Variants in NIM1K observed in about 807,000 individuals in gnomAD.
The protein encoded by NIM1K is NIM1 serine/threonine protein kinase, also known as serine/threonine-protein kinase NIM1.
Under a neutral mutation model 37.1 loss-of-function variants are expected in NIM1K, and 35 were observed. The observed-to-expected ratio is 0.94, with a 90% CI of 0.72 to 1.25. The LOEUF (loss-of-function observed/expected upper bound fraction) is 1.25. Ranked by LOEUF, NIM1K falls within the 50% of genes most tolerant of loss-of-function variation. NIM1K has a pLI of 0.00. For synonymous variants in NIM1K, 234 were observed against 206.6 expected, an observed-to-expected ratio of 1.13 and a Z score of -1.14; for missense variants, 564 against 548.0, an observed-to-expected ratio of 1.03 and a Z score of -0.29.
intron 1 of NIM1K, among the ~76,000 whole-genome samples, chr5:43,194,602 T>C (rs1305673975): frequency 6.6e-6 from 1 of 152,194 alleles, no homozygotes; most frequent in Non-Finnish European, 1.5e-5. Context: ...AGGTTTAATT[T>C]GGGGCAAGCA....
chr5:43,275,372 G>A lies in NIM1K; in HGVS notation c.293-1685G>A, dbSNP rs144478974. Reference sequence around the variant, plus strand: ...TTAAGCTATTCCCAATATCACAGAAGCCTTTTTACACATGCATCCTTGTAC... The same window carrying A: ...TTAAGCTATTCCCAATATCACAGAAACCTTTTTACACATGCATCCTTGTAC... On this transcript the variant is annotated intron_variant, in intron 2 of 3. Coordinates refer to ENST00000326035, the MANE Select transcript of NIM1K (RefSeq NM_153361.4). Among the ~76,000 whole-genome samples, 673 of 152,256 alleles carry A rather than the reference G, an allele frequency of 4.4e-3. 8 individuals carry two copies. The highest frequency in any genetic ancestry group is 0.016 in the African/African-American group (646 of 41,552).
rs115384124 is a variant in NIM1K at position 43,223,233 on chromosome 5, G to A, written c.-694-21849G>A. Among the ~76,000 whole-genome samples the A allele has an allele frequency of 5.2e-3, 795 of 152,200 alleles. 2 individuals are homozygous for A. Among genetic ancestry groups the A allele is most frequent in the African/African-American group, 0.018 (760 of 41,510 alleles). ...TGGTGCTTAAGAACCCTGAGGCTGG[G>A]GCCTCCCTGCCTGGGCTTGAATCCC... On this transcript the variant is annotated intron_variant, in intron 1 of 3. Coordinates refer to ENST00000326035, the MANE Select transcript of NIM1K (RefSeq NM_153361.4).
At chr5:43,265,930 C>T (rs914841955) in intron 2 of NIM1K, among the ~76,000 whole-genome samples, 14 of 152,234 alleles carry the variant, frequency 9.2e-5, no homozygotes, top group African/African-American at 3.4e-4. Flanking sequence ...GCAGAGGCTG[C>T]AAAACAGCAA....
At chr5:43,227,814 T>C (rs1245021637) in intron 1 of NIM1K, among the ~76,000 whole-genome samples, 1 of 152,200 alleles carries the variant, frequency 6.6e-6, no homozygotes, top group Non-Finnish European at 1.5e-5. Context: ...TAAGGGTTTT[T>C]TTCACAAATG....
rs946526016 is a variant in NIM1K at position 43,245,209 on chromosome 5, T to C, written c.-567T>C. ...CTGCCTGTGTGACCAGAAGGCTTAT[T>C]TGCAAGTTTCTTCTTTCCTGGGGTC... On this transcript the variant is annotated 5_prime_UTR_variant, in exon 2 of 4. Coordinates refer to ENST00000326035, the MANE Select transcript of NIM1K (RefSeq NM_153361.4). The C allele has an allele frequency of 3.3e-5, 5 of 152,264 alleles. No individual in the cohort carries two copies. The highest frequency in any genetic ancestry group is 7.2e-5 in the African/African-American group (3 of 41,454). 9.4% of individuals were successfully genotyped at this position (152,264 alleles called of 1,614,324 possible). A position where few individuals can be genotyped will look rare whatever the true frequency, so the allele number is the denominator to read the frequency against.
intron 1 of NIM1K, among the ~76,000 whole-genome samples, chr5:43,195,432 A>G (rs1465285136): frequency 6.6e-6 from 1 of 152,138 alleles, no homozygotes; most frequent in Non-Finnish European, 1.5e-5. Context: ...CTGAAGCAGA[A>G]GGACTGCTTG....
At chr5:43,235,731 G>T (rs1255281040) in intron 1 of NIM1K, among the ~76,000 whole-genome samples, 2 of 152,166 alleles carry the variant, frequency 1.3e-5, no homozygotes, top group Admixed American at 6.5e-5. Context: ...GTTTGTGCGT[G>T]TGGTTTTAAA....
intron 1 of NIM1K, among the ~76,000 whole-genome samples, chr5:43,199,204 A>AAAAAAAAATAT (rs1200134957): frequency 1.5e-4 from 14 of 94,058 alleles, no homozygotes; most frequent in Non-Finnish European, 2.7e-4. Context: ...AAAAAAAAAA[A>AAAAAAAAATAT]ATATATATAT....
intron 2 of NIM1K, among the ~76,000 whole-genome samples, chr5:43,255,450 G>A (rs933941633): frequency 6.6e-6 from 1 of 152,114 alleles, no homozygotes; most frequent in Non-Finnish European, 1.5e-5. Flanking sequence ...GTAGCGATAA[G>A]TGATAAGAAA....
intron 2 of NIM1K, among the ~76,000 whole-genome samples, chr5:43,264,488 A>G (rs557345623): frequency 4.1e-4 from 62 of 152,088 alleles, no homozygotes; most frequent in Non-Finnish European, 7.8e-4. Flanking sequence ...ATCTTCCTCC[A>G]TGCCTTTATT....
intron 1 of NIM1K, among the ~76,000 whole-genome samples, chr5:43,198,269 TTCTC>T (rs1217226532): frequency 6.7e-6 from 1 of 148,676 alleles, no homozygotes; most frequent in African/African-American, 2.5e-5. Flanking sequence ...CTTTCTTTCT[TTCTC>T]TCTTTCTCTC....
intron 1 of NIM1K, chr5:43,207,011 G>A (rs977276366): frequency 1.3e-6 from 1 of 749,260 alleles, no homozygotes; most frequent in African/African-American, 1.7e-5. Flanking sequence ...TACTGGGCGG[G>A]TAAAACAATT....
At chr5:43,210,037 T>G (rs1173529148) in intron 1 of NIM1K, among the ~76,000 whole-genome samples, 1 of 152,122 alleles carries the variant, frequency 6.6e-6, no homozygotes, top group Non-Finnish European at 1.5e-5. Flanking sequence ...GAAACGCACA[T>G]TACAGTGGGG....
In NIM1K at chr5:43,249,363, C is replaced by T. The variant is rs1050793486; in HGVS notation, c.292+3296C>T. ...GATTACAGGCCTGAGCCACCGTGCC[C>T]GGCCCTTACTCAGTCTTTTTGTTCT... On this transcript the variant is annotated intron_variant, in intron 2 of 3. Coordinates refer to ENST00000326035, the MANE Select transcript of NIM1K (RefSeq NM_153361.4). Among the ~76,000 whole-genome samples the T allele has an allele frequency of 1.2e-4, 19 of 152,080 alleles. 1 individual carries two copies. Among genetic ancestry groups the T allele is most frequent in the Admixed American group, 1.0e-3 (16 of 15,260 alleles).
At chr5:43,253,993 G>C (rs551362992) in intron 2 of NIM1K, among the ~76,000 whole-genome samples, 54 of 152,272 alleles carry the variant, frequency 3.5e-4, no homozygotes, top group Middle Eastern at 6.8e-3. Context: ...ATTAATGCAA[G>C]TGATTAATAT....
intron 1 of NIM1K, among the ~76,000 whole-genome samples, chr5:43,229,549 T>C (rs1212838415): frequency 6.6e-6 from 1 of 152,136 alleles, no homozygotes; most frequent in Non-Finnish European, 1.5e-5. Flanking sequence ...CAGATAGATG[T>C]AGACAAGACA....
intron 1 of NIM1K, among the ~76,000 whole-genome samples, chr5:43,198,500 C>T (rs1234661158): frequency 1.3e-5 from 2 of 150,940 alleles, no homozygotes; most frequent in Non-Finnish European, 2.9e-5. Context: ...TTATTTTCAA[C>T]AATGATTACT....
intron 1 of NIM1K, among the ~76,000 whole-genome samples, chr5:43,213,188 TC>T (rs879352420): frequency 0.25 from 29,550 of 116,634 alleles, 3,708 homozygotes; most frequent in Non-Finnish European, 0.29. Flanking sequence ...TTTCTTTCTT[TC>T]TTTCTTTCTT....
At chr5:43,270,075 G>C (rs1443402219) in intron 2 of NIM1K, among the ~76,000 whole-genome samples, 3 of 152,156 alleles carry the variant, frequency 2.0e-5, no homozygotes, top group Admixed American at 6.5e-5. Flanking sequence ...TCATTTGCTT[G>C]TCTGGAAAAG....
Sources: allele counts gnomAD v4.1 joint callset (sites outside exome capture counted in the v4.1 genomes callset), GRCh38; gene constraint gnomAD v4.1.1; transcripts MANE v1.5; gene names NCBI Gene and HGNC (gene_info 2026-07-23, HGNC 2026-07-21).